The following AFF1 variants were observed in gnomAD, a reference collection of about 807,000 sequenced individuals.
The protein encoded by AFF1 is AF4/FMR2 family member 1.
A neutral mutation model predicts 121.7 loss-of-function variants in AFF1; 48 were observed. The ratio of observed to expected loss-of-function variants is 0.39; its 90% CI spans 0.31 to 0.50. The LOEUF (loss-of-function observed/expected upper bound fraction) is 0.50, where lower values mean the gene tolerates loss of function less well. Among genes scored for constraint, AFF1 ranks in the 20% least tolerant of loss-of-function variants. The pLI is 0.76. For missense variants in AFF1, 1,523 were observed against 1,511.7 expected, an observed-to-expected ratio of 1.01 and a Z score of -0.12; for synonymous variants, 613 against 563.0, an observed-to-expected ratio of 1.09 and a Z score of -1.26.
At position 87,139,972 on chromosome 4, in the gene AFF1, G is replaced by T. The variant is rs1729593243; in HGVS notation, c.*4271G>T. On this transcript the variant is annotated 3_prime_UTR_variant, in exon 21 of 21. Transcript: ENST00000395146. ...GCTATAAATTTCTTACTGTCAGGAG[G>T]AAATGACATTATATTCTGTTCCACT... The T allele has an allele frequency of 4.7e-6, 1 of 211,810 alleles. No homozygotes were observed. Among genetic ancestry groups the T allele is most frequent in the Admixed American group, 5.9e-5 (1 of 16,996 alleles). The allele number at this position is 211,810 out of a possible 1,614,324, so 13.1% of individuals were successfully genotyped here. A position where few individuals can be genotyped will look rare whatever the true frequency, so the allele number is the denominator to read the frequency against.
At chr4:86,978,197 T>TTTTTTTTTTTTTTTTTTTTTTTA (rs1723458799) in intron 2 of AFF1, among the ~76,000 whole-genome samples, 1 of 129,480 alleles carries the variant, frequency 7.7e-6, no homozygotes, top group African/African-American at 2.8e-5. Flanking sequence ...TTTTTTTTTT[T>TTTTTTTTTTTTTTTTTTTTTTTA]TTTTGAGATG....
At chr4:86,961,538 A>C (rs1578853385) in intron 2 of AFF1, among the ~76,000 whole-genome samples, 1 of 151,772 alleles carries the variant, frequency 6.6e-6, no homozygotes, top group African/African-American at 2.4e-5. Context: ...TTTCCAGTGA[A>C]GGAACAAAGC....
chr4:87,105,947 G>A, intron 10 of AFF1, 102 bp downstream of exon 10: 1 of 1,361,178 alleles, frequency 7.3e-7, no homozygotes, highest in Non-Finnish European at 1.0e-6. Context: ...TTTGTCATGG[G>A]AAGGAGCTGA....
At chr4:87,094,234 A>G (rs236990) in intron 7 of AFF1, among the ~76,000 whole-genome samples, 13,867 of 152,044 alleles carry the variant, frequency 0.091, 1,476 homozygotes, top group African/African-American at 0.26. Flanking sequence ...TCTTTCTTTA[A>G]TTTGCTGCCT....
At chr4:87,122,339 C>A (rs1727774806) in intron 12 of AFF1, among the ~76,000 whole-genome samples, 1 of 152,220 alleles carries the variant, frequency 6.6e-6, no homozygotes. Flanking sequence ...TTAACCCCAT[C>A]ATTTCCAATT....
chr4:87,073,124 C>A (rs538763507), intron 4 of AFF1, among the ~76,000 whole-genome samples: 39 of 151,302 alleles, frequency 2.6e-4, no homozygotes, highest in African/African-American at 8.5e-4. Flanking sequence ...CAAAATACTT[C>A]CTTAAATTAG....
At chr4:87,057,421 A>G (rs1239161341) in intron 4 of AFF1, among the ~76,000 whole-genome samples, 1 of 152,244 alleles carries the variant, frequency 6.6e-6, no homozygotes, top group African/African-American at 2.4e-5. Context: ...ACTTTGGGCA[A>G]GGAACCTAAC....
intron 4 of AFF1, among the ~76,000 whole-genome samples, chr4:87,077,381 T>C (rs1722775342): frequency 6.6e-6 from 1 of 152,300 alleles, no homozygotes; most frequent in South Asian, 2.1e-4. Flanking sequence ...CAGTTTAACA[T>C]AGGTGTGTGT....
chr4:86,980,099 T>C (rs559747250), intron 2 of AFF1, among the ~76,000 whole-genome samples: 3 of 152,224 alleles, frequency 2.0e-5, no homozygotes, highest in East Asian at 1.9e-4. Context: ...TTAGTAGAGA[T>C]GGGGTTTTAC....
intron 2 of AFF1, among the ~76,000 whole-genome samples, chr4:86,957,790 CCTCAGCCTCCCAA>C: frequency 6.6e-6 from 1 of 152,210 alleles, no homozygotes; most frequent in African/African-American, 2.4e-5. Flanking sequence ...GATCCTCCCA[CCTCAGCCTCCCAA>C]AGTGCTGGGA....
At chr4:87,020,667 G>C (rs904335052) in intron 2 of AFF1, 3 of 383,290 alleles carry the variant, frequency 7.8e-6, no homozygotes, top group Admixed American at 1.3e-4. Context: ...TGTATTTTTA[G>C]TGGAGACAGG....
intron 20 of AFF1, 145 bp downstream of exon 20, chr4:87,134,839 T>A: frequency 1.2e-6 from 1 of 806,268 alleles, no homozygotes; most frequent in Non-Finnish European, 1.9e-6. Flanking sequence ...CTATTCTGCC[T>A]CAAAACCTAG....
chr4:87,040,717 C>T (rs1366970542), intron 2 of AFF1, among the ~76,000 whole-genome samples: 1 of 149,602 alleles, frequency 6.7e-6, no homozygotes, highest in East Asian at 2.0e-4. Flanking sequence ...TTACAGGCGC[C>T]TGCCACCACA....
At chr4:87,095,047 T>A in intron 8 of AFF1, 78 bp downstream of exon 8, 1 of 1,347,940 alleles carries the variant, frequency 7.4e-7, no homozygotes, top group Non-Finnish European at 1.1e-6. Flanking sequence ...TTGCTTAGAT[T>A]TTTCTGCCTT....
chr4:87,044,308 G>GT (rs1730454444), intron 2 of AFF1, among the ~76,000 whole-genome samples: 1 of 152,136 alleles, frequency 6.6e-6, no homozygotes, highest in Non-Finnish European at 1.5e-5. Flanking sequence ...GTAAAAATAC[G>GT]TAAGTGTAGT....
intron 2 of AFF1, among the ~76,000 whole-genome samples, chr4:86,985,180 A>AATATATATATATATAT (rs1724119781): frequency 5.4e-5 from 3 of 55,954 alleles, no homozygotes; most frequent in African/African-American, 3.2e-4. Flanking sequence ...AATATGTATT[A>AATATATATATATATAT]CTATATATAT....
intron 2 of AFF1, among the ~76,000 whole-genome samples, chr4:86,981,484 C>T (rs1202493377): frequency 2.0e-5 from 3 of 152,168 alleles, no homozygotes; most frequent in African/African-American, 7.2e-5. Context: ...TCTCCTGCCT[C>T]AGCCTCTGGA....
chr4:87,115,398 G>A (rs753185647), intron 12 of AFF1, 99 bp downstream of exon 12: 16 of 1,199,950 alleles, frequency 1.3e-5, no homozygotes, highest in Non-Finnish European at 1.7e-5. Flanking sequence ...CAGTTGAGTT[G>A]TCTCACAAGT....
chr4:86,991,020 C>T (rs772799956), intron 2 of AFF1, among the ~76,000 whole-genome samples: 18 of 152,118 alleles, frequency 1.2e-4, no homozygotes, highest in East Asian at 5.8e-4. Context: ...GGCGTGGTGG[C>T]GGGCGCCTGT....
Sources: gnomAD v4.1 joint callset for allele counts (sites outside exome capture counted in the v4.1 genomes callset) on GRCh38, gnomAD v4.1.1 for gene constraint, MANE v1.5 for transcripts, NCBI Gene and HGNC (gene_info 2026-07-23, HGNC 2026-07-21) for gene names.